The following OCLN variants were observed in gnomAD, a reference collection of about 807,000 sequenced individuals.
OCLN encodes phosphatase 1, regulatory subunit 115.
A neutral mutation model predicts 47.9 loss-of-function variants in OCLN; 21 were observed. The observed-to-expected ratio is 0.44, with a 90% CI of 0.31 to 0.63. The LOEUF (loss-of-function observed/expected upper bound fraction) is 0.63. OCLN is among the 30% of genes least tolerant of loss of function. The pLI is 0.08. For missense variants in OCLN, 360 were observed against 571.0 expected (o/e 0.63, Z 3.77); for synonymous variants, 117 against 198.4 (o/e 0.59, Z 3.45).
intron 2 of OCLN, among the ~76,000 whole-genome samples, chr5:69,508,931 C>G (rs924784666): frequency 1.3e-5 from 2 of 152,190 alleles, no homozygotes; most frequent in Non-Finnish European, 2.9e-5. Flanking sequence ...TACAATACCC[C>G]CAAACAGAGA....
At chr5:69,550,236 G>T (rs1243401764) in intron 7 of OCLN, among the ~76,000 whole-genome samples, 5 of 118,132 alleles carry the variant, frequency 4.2e-5, no homozygotes, top group Non-Finnish European at 9.1e-5. Flanking sequence ...CTGTCGCCCA[G>T]GCTGGAGTGC....
intron 1 of OCLN, among the ~76,000 whole-genome samples, chr5:69,499,343 G>T (rs917733247): frequency 6.6e-6 from 1 of 152,012 alleles, no homozygotes; most frequent in African/African-American, 2.4e-5. Flanking sequence ...CTAGAGTGTT[G>T]GGATTACAGG....
chr5:69,516,453 TC>T (rs1431208354), intron 4 of OCLN, among the ~76,000 whole-genome samples: 1 of 151,542 alleles, frequency 6.6e-6, no homozygotes, highest in Non-Finnish European at 1.5e-5. Flanking sequence ...AGCAGTACAG[TC>T]CAGCTTCGGC....
Position 69,509,394 on chromosome 5 carries a change from G to A in OCLN, c.304G>A (p.Val102Ile), listed in dbSNP as rs1222442697. ...TGGAACTTCCCTTTTAGGAGGTAGT[G>A]TAGGCTACCCTTATGGAGGAAGTGG... is the stretch of plus-strand genomic sequence containing the variant. ...GYGTSLLGGS[V>I]GYPYGGSGFG... The change falls in exon 3 of 9, where the codon GTA (valine) becomes ATA (isoleucine). Residue 102 changes from valine (V) to isoleucine (I), a missense_variant. This residue lies in a region of OCLN where 314 missense variants were observed against 368.1 expected (regional missense o/e 0.85). Coordinates refer to ENST00000396442, the MANE Select transcript of OCLN (RefSeq NM_001205254.2). 1 of 1,614,230 alleles carries A rather than the reference G, an allele frequency of 6.2e-7. No individual in the cohort carries two copies. Among genetic ancestry groups the A allele is most frequent in the Non-Finnish European group, 8.5e-7 (1 of 1,180,038 alleles).
chr5:69,531,201 G>A (rs1432070351), intron 4 of OCLN, among the ~76,000 whole-genome samples: 1 of 152,268 alleles, frequency 6.6e-6, no homozygotes, highest in Non-Finnish European at 1.5e-5. Flanking sequence ...AGGTGAGCAA[G>A]CCATTGTTCG....
At chr5:69,547,397 C>T (rs1281619768) in intron 6 of OCLN, among the ~76,000 whole-genome samples, 6 of 128,586 alleles carry the variant, frequency 4.7e-5, no homozygotes, top group African/African-American at 1.8e-4. Flanking sequence ...CATGGTGAAA[C>T]CCTGTCTCTA....
chr5:69,499,249 A>T (rs1199085650), intron 1 of OCLN, among the ~76,000 whole-genome samples: 4 of 151,784 alleles, frequency 2.6e-5, no homozygotes, highest in Admixed American at 2.0e-4. Context: ...TTTAAGAAAA[A>T]TTTTTTGTGG....
chr5:69,522,707 C>T (rs565251449), intron 4 of OCLN, among the ~76,000 whole-genome samples: 17 of 151,894 alleles, frequency 1.1e-4, no homozygotes, highest in Admixed American at 3.9e-4. Context: ...TTTCTGTATA[C>T]CACGGCACTC....
chr5:69,515,408 C>T (rs1251860370), intron 4 of OCLN, among the ~76,000 whole-genome samples: 1 of 142,334 alleles, frequency 7.0e-6, no homozygotes, highest in Non-Finnish European at 1.5e-5. Context: ...GGGCAGGGGG[C>T]TGACCCCCCT....
chr5:69,522,352 G>A (rs1769161233), intron 4 of OCLN, among the ~76,000 whole-genome samples: 1 of 152,092 alleles, frequency 6.6e-6, no homozygotes, highest in Non-Finnish European at 1.5e-5. Flanking sequence ...TAACATCCTT[G>A]ATTGGTGTAA....
At chr5:69,510,578 G>T (rs572669448) in intron 3 of OCLN, among the ~76,000 whole-genome samples, 1 of 152,232 alleles carries the variant, frequency 6.6e-6, no homozygotes, top group South Asian at 2.1e-4. Context: ...AGCTACTCGG[G>T]AGGCTCAGGC....
At chr5:69,533,034 CACATGTATATATACACATATAT>C (rs1371829700) in intron 4 of OCLN, among the ~76,000 whole-genome samples, 2 of 135,770 alleles carry the variant, frequency 1.5e-5, no homozygotes, top group Admixed American at 7.1e-5. Flanking sequence ...TATACACACA[CACATGTATATATACACATATAT>C]ACATATATAT....
intron 7 of OCLN, among the ~76,000 whole-genome samples, chr5:69,548,615 C>T (rs948800057): frequency 2.0e-5 from 3 of 149,844 alleles, no homozygotes; most frequent in African/African-American, 7.4e-5. Flanking sequence ...CCACCGCGCC[C>T]AGCCCCTACA....
intron 4 of OCLN, among the ~76,000 whole-genome samples, chr5:69,527,276 CAA>C (rs764804781): frequency 1.0e-4 from 13 of 125,522 alleles, no homozygotes; most frequent in Non-Finnish European, 6.8e-5. Context: ...GACTTCGTCT[CAA>C]AAAAAAAAAA....
At position 69,506,813 on chromosome 5, in the gene OCLN, A is replaced by G. The variant is rs188727885; in HGVS notation, c.51-2328A>G. On this transcript the variant is annotated intron_variant, in intron 2 of 8. Transcript: ENST00000396442. ...GTGGGGACACAAGTTGTTTATGACA[A>G]TACAGTTTTTAAAACATACTAGAGA... Among the ~76,000 whole-genome samples the G allele has an allele frequency of 5.5e-4, 84 of 152,320 alleles. 1 individual carries two copies. Among genetic ancestry groups the G allele is most frequent in the South Asian group, 1.0e-3 (5 of 4,824 alleles).
rs554264031 is a variant in OCLN, at chr5:69,526,687, A to G, written c.892-8007A>G. On this transcript the variant is annotated intron_variant, in intron 4 of 8. Transcript: ENST00000396442. ...GAAAGAAAAAAGTAGAAAGGAGACT[A>G]TTTATTATAAAGGGTTACAACCTGT... 4.0e-4 allele frequency among the ~76,000 whole-genome samples: 61 copies of G among 152,360 alleles called. 1 individual carries two copies. Among genetic ancestry groups the G allele is most frequent in the Admixed American group, 4.6e-4 (7 of 15,308 alleles).
intron 3 of OCLN, among the ~76,000 whole-genome samples, chr5:69,511,241 A>AT (rs56327483): frequency 0.64 from 91,739 of 142,618 alleles, 30,212 homozygotes; most frequent in South Asian, 0.75. Context: ...CGCCCAGCTA[A>AT]TTTTTTTTTT....
intron 4 of OCLN, among the ~76,000 whole-genome samples, chr5:69,517,583 G>A (rs1769011814): frequency 6.6e-6 from 1 of 152,210 alleles, no homozygotes; most frequent in Admixed American, 6.5e-5. Flanking sequence ...AAAGTGCTGG[G>A]ATTATAGGCA....
chr5:69,494,375 C>A (rs1021116680), intron 1 of OCLN, among the ~76,000 whole-genome samples: 1 of 152,134 alleles, frequency 6.6e-6, no homozygotes. Flanking sequence ...TTAGTAGAGA[C>A]AGGGTTTTGC....
Sources: gnomAD v4.1 joint callset for allele counts (sites outside exome capture counted in the v4.1 genomes callset) on GRCh38, gnomAD v4.1.1 for gene constraint, gnomAD v4.1.1 regional missense constraint, MANE v1.5 for transcripts, NCBI Gene and HGNC (gene_info 2026-07-23, HGNC 2026-07-21) for gene names.